The following KCNH8 variants were observed in gnomAD, a reference collection of about 807,000 sequenced individuals.
KCNH8 encodes voltage-gated delayed rectifier potassium channel KCNH8.
A neutral mutation model predicts 103.6 loss-of-function variants in KCNH8; 70 were observed. The observed-to-expected ratio is 0.68, with a 90% CI of 0.56 to 0.82. KCNH8 has a LOEUF of 0.82. Among genes scored for constraint, KCNH8 ranks in the 40% least tolerant of loss-of-function variants. The pLI is 0.00. For synonymous variants in KCNH8, 498 were observed against 489.4 expected (o/e 1.02, Z -0.23); for missense variants, 1,217 against 1,329.9 (o/e 0.92, Z 1.32).
At chr3:19,303,737 G>A (rs2065093807) in intron 3 of KCNH8, among the ~76,000 whole-genome samples, 1 of 152,172 alleles carries the variant, frequency 6.6e-6, no homozygotes, top group Admixed American at 6.5e-5. Context: ...TCCCTGCCAG[G>A]ATGACCTTTC....
chr3:19,276,132 T>A (rs147506956), intron 2 of KCNH8, among the ~76,000 whole-genome samples: 7 of 151,970 alleles, frequency 4.6e-5, no homozygotes, highest in African/African-American at 1.7e-4. Context: ...CAGCCTTGTT[T>A]ACTCACCTGC....
chr3:19,475,133 C>T (rs371806557), intron 11 of KCNH8, among the ~76,000 whole-genome samples: 4 of 152,118 alleles, frequency 2.6e-5, no homozygotes, highest in Non-Finnish European at 4.4e-5. Context: ...CAGAATTGCA[C>T]AAATTTTTGT....
intron 3 of KCNH8, among the ~76,000 whole-genome samples, chr3:19,308,944 C>T (rs1255226512): frequency 6.6e-6 from 1 of 151,252 alleles, no homozygotes; most frequent in African/African-American, 2.4e-5. Context: ...AATGTAAATT[C>T]CAGTGATGCT....
intron 8 of KCNH8, among the ~76,000 whole-genome samples, chr3:19,444,773 G>A (rs1461070550): frequency 6.6e-6 from 1 of 151,310 alleles, no homozygotes; most frequent in Non-Finnish European, 1.5e-5. Context: ...TCAGTAACAT[G>A]CAAATTAAAA....
At chr3:19,180,053 T>C (rs950386655) in intron 1 of KCNH8, among the ~76,000 whole-genome samples, 2 of 152,162 alleles carry the variant, frequency 1.3e-5, no homozygotes, top group Non-Finnish European at 2.9e-5. Flanking sequence ...TTGTACTGAT[T>C]ACTAAAGGTT....
chr3:19,274,184 T>G (rs551822186), intron 2 of KCNH8, among the ~76,000 whole-genome samples: 20 of 152,294 alleles, frequency 1.3e-4, no homozygotes, highest in Admixed American at 3.9e-4. Flanking sequence ...ACAGGACTGT[T>G]GTGTGACCTG....
At chr3:19,472,356 T>G (rs1406414310) in intron 11 of KCNH8, among the ~76,000 whole-genome samples, 1 of 152,090 alleles carries the variant, frequency 6.6e-6, no homozygotes, top group East Asian at 1.9e-4. Context: ...CACCCAAATC[T>G]CATCTTGTAG....
At chr3:19,331,483 A>G (rs1575532740) in intron 3 of KCNH8, among the ~76,000 whole-genome samples, 1 of 151,716 alleles carries the variant, frequency 6.6e-6, no homozygotes, top group Admixed American at 6.6e-5. Flanking sequence ...AGTAGAGACG[A>G]GGTTTCACCA....
At chr3:19,371,942 G>C (rs1419827326) in intron 5 of KCNH8, among the ~76,000 whole-genome samples, 2 of 150,628 alleles carry the variant, frequency 1.3e-5, no homozygotes, top group African/African-American at 4.9e-5. Context: ...CGTTATTTCT[G>C]AGGGCTCTGT....
intron 2 of KCNH8, among the ~76,000 whole-genome samples, chr3:19,272,496 T>A (rs991519651): frequency 6.6e-6 from 1 of 152,034 alleles, no homozygotes; most frequent in Non-Finnish European, 1.5e-5. Flanking sequence ...GAGGCAGGGT[T>A]GCTAAGACAG....
At chr3:19,291,453 T>C (rs2064924148) in intron 3 of KCNH8, among the ~76,000 whole-genome samples, 1 of 152,228 alleles carries the variant, frequency 6.6e-6, no homozygotes, top group Non-Finnish European at 1.5e-5. Flanking sequence ...GTTTTTGTTT[T>C]CATTGGTTTC....
intron 1 of KCNH8, among the ~76,000 whole-genome samples, chr3:19,173,911 C>T (rs1366316862): frequency 6.6e-6 from 1 of 151,556 alleles, no homozygotes; most frequent in East Asian, 1.9e-4. Flanking sequence ...TTGACTTTGA[C>T]ATCTGACTGT....
In KCNH8 at chr3:19,533,984, G is replaced by A. The variant is rs777632160; in HGVS notation, c.3209G>A (p.Gly1070Glu). The A allele has an allele frequency of 1.9e-6, 3 of 1,614,146 alleles. No homozygotes were observed. Among genetic ancestry groups the A allele is most frequent in the Non-Finnish European group, 2.5e-6 (3 of 1,180,036 alleles). ...VSSFSLENLP[G>E]SWNQEGMASA... is the part of the protein sequence containing the mutation. Reference sequence around the variant, plus strand: ...TCCTTCAGTCTGGAAAACTTACCAGGATCTTGGAACCAGGAAGGAATGGCA... The same window carrying A: ...TCCTTCAGTCTGGAAAACTTACCAGAATCTTGGAACCAGGAAGGAATGGCA... The change falls in exon 16 of 16, where the codon GGA (glycine) becomes GAA (glutamate). Residue 1070 changes from glycine to glutamate, a missense_variant. Gly to Glu is a moderately conservative substitution (Grantham distance 98). Transcript: ENST00000328405.
At chr3:19,314,851 T>A (rs1232194956) in intron 3 of KCNH8, 3 of 154,224 alleles carry the variant, frequency 1.9e-5, no homozygotes, top group Non-Finnish European at 4.4e-5. Flanking sequence ...GCTTTTCTAA[T>A]TACTGGACAT....
intron 11 of KCNH8, among the ~76,000 whole-genome samples, chr3:19,472,121 ATTC>A (rs1370720232): frequency 6.6e-6 from 1 of 151,126 alleles, no homozygotes; most frequent in African/African-American, 2.4e-5. Flanking sequence ...CATTTTTGCA[ATTC>A]TTTTTTTAAT....
intron 3 of KCNH8, among the ~76,000 whole-genome samples, chr3:19,313,887 G>A (rs891165947): frequency 6.6e-6 from 1 of 151,854 alleles, no homozygotes; most frequent in African/African-American, 2.4e-5. Context: ...GCATTTCAAT[G>A]CCAGTCCTTA....
chr3:19,269,690 C>T (rs1044624364), intron 2 of KCNH8, among the ~76,000 whole-genome samples: 2 of 152,058 alleles, frequency 1.3e-5, no homozygotes, highest in East Asian at 1.9e-4. Flanking sequence ...ACATATCTTT[C>T]GCTTTGTAAT....
chr3:19,528,453 C>T (rs553317143), intron 15 of KCNH8, among the ~76,000 whole-genome samples: 1 of 152,058 alleles, frequency 6.6e-6, no homozygotes, highest in East Asian at 1.9e-4. Context: ...AAACCTTGGC[C>T]AACGGAGACA....
rs1379856408 is a variant in KCNH8 at position 19,462,354 on chromosome 3, T to A, written c.2040+5372T>A. 3.3e-5 allele frequency among the ~76,000 whole-genome samples: 5 copies of A among 152,344 alleles called. No homozygotes were observed. In the East Asian group the frequency reaches 9.6e-4, roughly 29 times the overall value. On this transcript the variant is annotated intron_variant, in intron 11 of 15. Transcript: ENST00000328405. ...CCATTCTAACTGGTGTGAGATGGTA[T>A]CTCATTGTGGTTTTGATTTGCTTTC... is the stretch of plus-strand genomic sequence containing the variant.
Sources: allele counts gnomAD v4.1 joint callset (sites outside exome capture counted in the v4.1 genomes callset), GRCh38; gene constraint gnomAD v4.1.1; transcripts MANE v1.5; gene names NCBI Gene and HGNC (gene_info 2026-07-23, HGNC 2026-07-21).